Variants in RSPO3 observed in about 807,000 individuals in gnomAD.
The protein encoded by RSPO3 is R-spondin 3, also known as R-spondin-3.
RSPO3 carries 17 observed loss-of-function variants against 36.5 expected under a neutral mutation model. That is an observed-to-expected ratio of 0.47 (90% confidence interval 0.32 to 0.70). The LOEUF (loss-of-function observed/expected upper bound fraction) is 0.70, where lower values mean the gene tolerates loss of function less well. Among genes scored for constraint, RSPO3 ranks in the 30% least tolerant of loss-of-function variants. The probability of loss-of-function intolerance (pLI) is 0.04; values close to 1 mark genes in which losing one functional copy is unlikely to be tolerated. For synonymous variants in RSPO3, 108 were observed against 107.0 expected, an observed-to-expected ratio of 1.01 and a Z score of -0.06; for missense variants, 294 against 322.5, an observed-to-expected ratio of 0.91 and a Z score of 0.68.
At chr6:127,178,306 C>G (rs1002545392) in intron 4 of RSPO3, among the ~76,000 whole-genome samples, 8 of 151,630 alleles carry the variant, frequency 5.3e-5, no homozygotes, top group African/African-American at 1.9e-4. Flanking sequence ...GAATATGTGT[C>G]TTGAAGCAGC....
chr6:127,194,548 A>G (rs1304711186), intron 4 of RSPO3, among the ~76,000 whole-genome samples: 2 of 152,244 alleles, frequency 1.3e-5, no homozygotes, highest in East Asian at 3.8e-4. Flanking sequence ...TAAAACATCT[A>G]GTTAATTCAC....
chr6:127,191,237 G>C (rs756883563), intron 4 of RSPO3, among the ~76,000 whole-genome samples: 2 of 152,044 alleles, frequency 1.3e-5, no homozygotes, highest in African/African-American at 4.8e-5. Context: ...AGAAACAAAG[G>C]AGCAACCATG....
intron 1 of RSPO3, among the ~76,000 whole-genome samples, chr6:127,139,764 A>T (rs1774232797): frequency 2.0e-5 from 3 of 151,946 alleles, no homozygotes; most frequent in South Asian, 2.1e-4. Flanking sequence ...GGGTCTCATC[A>T]CCCTCATCCA....
chr6:127,185,625 G>A (rs545493714), intron 4 of RSPO3, among the ~76,000 whole-genome samples: 5 of 151,988 alleles, frequency 3.3e-5, no homozygotes, highest in African/African-American at 4.8e-5. Context: ...CACATGATAC[G>A]TGGAGCAGCA....
intron 1 of RSPO3, among the ~76,000 whole-genome samples, chr6:127,133,714 A>G (rs1170667237): frequency 1.3e-5 from 2 of 152,116 alleles, no homozygotes; most frequent in Non-Finnish European, 2.9e-5. Context: ...TATTTTTAAA[A>G]AGCTAACAAG....
intron 4 of RSPO3, among the ~76,000 whole-genome samples, chr6:127,166,086 T>C (rs1336327694): frequency 1.3e-5 from 2 of 152,012 alleles, no homozygotes; most frequent in Non-Finnish European, 2.9e-5. Context: ...TATTATTTTC[T>C]TTATAAAAAG....
chr6:127,198,118 A>G lies in RSPO3; in HGVS notation c.*2111A>G, dbSNP rs981677480. On this transcript the variant is annotated 3_prime_UTR_variant, in exon 5 of 5. Coordinates refer to ENST00000356698, the MANE Select transcript of RSPO3 (RefSeq NM_032784.5). The stretch of plus-strand genomic sequence containing the variant: ...CATAGGCAATGCTGGAAAAAGGGTT[A>G]AGTAAACCAGGACATGACAATGGTG... Among the ~76,000 whole-genome samples the G allele has an allele frequency of 6.6e-6, 1 of 152,370 alleles. No individual in the cohort carries two copies. Among genetic ancestry groups the G allele is most frequent in the South Asian group, 2.1e-4 (1 of 4,834 alleles).
chr6:127,156,612 T>A (rs1400343011), intron 4 of RSPO3, among the ~76,000 whole-genome samples: 1 of 152,172 alleles, frequency 6.6e-6, no homozygotes, highest in Non-Finnish European at 1.5e-5. Context: ...GCTTATTTCA[T>A]TCATTTATTC....
intron 1 of RSPO3, among the ~76,000 whole-genome samples, chr6:127,131,272 G>C (rs538428119): frequency 9.2e-5 from 14 of 152,188 alleles, no homozygotes; most frequent in African/African-American, 3.4e-4. Context: ...GAATAAGGGA[G>C]AGTTGCAGCA....
rs148713163 is a variant in RSPO3 at position 127,193,430 on chromosome 6, C to A, written c.635-2393C>A. 3.4e-3 allele frequency among the ~76,000 whole-genome samples: 523 copies of A among 152,284 alleles called. 4 individuals are homozygous for A. Among genetic ancestry groups the A allele is most frequent in the South Asian group, 0.014 (67 of 4,826 alleles). On this transcript the variant is annotated intron_variant, in intron 4 of 4. Transcript: ENST00000356698. ...CAGCTGTAAGATGTTGGACCGTCAT[C>A]AAGAGAACAATGTCAAACACTGAAC...
chr6:127,171,234 G>GA (rs1358024157), intron 4 of RSPO3, among the ~76,000 whole-genome samples: 1 of 151,624 alleles, frequency 6.6e-6, no homozygotes, highest in Non-Finnish European at 1.5e-5. Flanking sequence ...TTTTGCCACA[G>GA]AAAAGCACAG....
chr6:127,136,754 T>A (rs1774166315), intron 1 of RSPO3, among the ~76,000 whole-genome samples: 1 of 152,192 alleles, frequency 6.6e-6, no homozygotes, highest in South Asian at 2.1e-4. Context: ...CTATGACTTT[T>A]CCCACACTAC....
intron 4 of RSPO3, among the ~76,000 whole-genome samples, chr6:127,163,345 T>G (rs1262629870): frequency 6.6e-6 from 1 of 152,136 alleles, no homozygotes; most frequent in African/African-American, 2.4e-5. Flanking sequence ...CAAAGAATTA[T>G]TCTTTCCATA....
intron 1 of RSPO3, among the ~76,000 whole-genome samples, chr6:127,137,871 T>A (rs761703409): frequency 7.2e-5 from 11 of 152,226 alleles, no homozygotes; most frequent in Non-Finnish European, 1.6e-4. Context: ...TTTAGAATAT[T>A]AAAGTATTAT....
At chr6:127,189,367 T>C (rs1319339667) in intron 4 of RSPO3, among the ~76,000 whole-genome samples, 1 of 151,214 alleles carries the variant, frequency 6.6e-6, no homozygotes, top group East Asian at 1.9e-4. Flanking sequence ...ATATATGGGA[T>C]CAGTAAACAT....
chr6:127,196,261 A>G lies in RSPO3; in HGVS notation c.*254A>G, dbSNP rs889939098. On this transcript the variant is annotated 3_prime_UTR_variant, in exon 5 of 5. Transcript: ENST00000356698. ...TTTAAAAGACAAGACATTCTTGTACATATTATCAATAGGCTATAAGATGTA... is the reference window on the plus strand; with the variant it reads ...TTTAAAAGACAAGACATTCTTGTACGTATTATCAATAGGCTATAAGATGTA... 12 of 267,768 alleles carry G rather than the reference A, an allele frequency of 4.5e-5. No homozygotes were observed. The highest frequency in any genetic ancestry group is 6.3e-5 in the Non-Finnish European group (9 of 142,642). 16.6% of individuals were successfully genotyped at this position (267,768 alleles called of 1,614,324 possible). A position where few individuals can be genotyped will look rare whatever the true frequency, so the allele number is the denominator to read the frequency against.
At chr6:127,154,500 G>C (rs965365889) in intron 3 of RSPO3, among the ~76,000 whole-genome samples, 24 of 152,160 alleles carry the variant, frequency 1.6e-4, no homozygotes, top group Admixed American at 3.9e-4. Context: ...TTTAGAAGCA[G>C]GTTATCAGCT....
chr6:127,192,808 T>TC, intron 4 of RSPO3: 1 of 522,936 alleles, frequency 1.9e-6, no homozygotes, highest in Non-Finnish European at 2.5e-6. Context: ...ATATGTCAGA[T>TC]TGTCATAACT....
intron 1 of RSPO3, among the ~76,000 whole-genome samples, chr6:127,133,737 T>A (rs1774100622): frequency 6.6e-6 from 1 of 152,094 alleles, no homozygotes; most frequent in African/African-American, 2.4e-5. Context: ...AAAAAAGGAA[T>A]CTTGTTAGGG....
Sources: allele counts gnomAD v4.1 joint callset (sites outside exome capture counted in the v4.1 genomes callset), GRCh38; gene constraint gnomAD v4.1.1; transcripts MANE v1.5; gene names NCBI Gene and HGNC (gene_info 2026-07-23, HGNC 2026-07-21).